Variants in SEC14L1 observed in about 807,000 individuals in gnomAD.
SEC14L1 encodes the protein SEC14-like protein 1.
Under a neutral mutation model 85.3 loss-of-function variants are expected in SEC14L1, and 48 were observed. That is an observed-to-expected ratio of 0.56 (90% CI 0.45 to 0.72). SEC14L1 has a LOEUF of 0.72. SEC14L1 is among the 30% of genes least tolerant of loss of function. The pLI is 0.00. For synonymous variants in SEC14L1, 391 were observed against 355.5 expected, an observed-to-expected ratio of 1.10 and a Z score of -1.12; for missense variants, 682 against 921.4, an observed-to-expected ratio of 0.74 and a Z score of 3.36.
At chr17:77,168,708 T>C (rs1297594858) in intron 3 of SEC14L1, among the ~76,000 whole-genome samples, 2 of 152,190 alleles carry the variant, frequency 1.3e-5, no homozygotes, top group African/African-American at 4.8e-5. Flanking sequence ...ACTTTGCCTT[T>C]TTTTGCTAAC....
chr17:77,201,771 C>T (rs1014736641), intron 9 of SEC14L1, among the ~76,000 whole-genome samples: 4 of 152,050 alleles, frequency 2.6e-5, no homozygotes, highest in Admixed American at 1.3e-4. Flanking sequence ...TCTTATTAAA[C>T]GTTGGGAGAA....
intron 3 of SEC14L1, among the ~76,000 whole-genome samples, chr17:77,188,179 C>T (rs1034049541): frequency 6.6e-6 from 1 of 152,196 alleles, no homozygotes; most frequent in Non-Finnish European, 1.5e-5. Context: ...CCAGTGATAA[C>T]GTCTTGCAGA....
At chr17:77,094,796 A>G (rs866761547) in intron 3 of SEC14L1, 1 of 152,206 alleles carries the variant, frequency 6.6e-6, no homozygotes, top group Non-Finnish European at 1.5e-5. Flanking sequence ...CCTTGTTTGC[A>G]CAATTTGGGC....
intron 3 of SEC14L1, among the ~76,000 whole-genome samples, chr17:77,102,152 C>T (rs1000701424): frequency 1.3e-5 from 2 of 152,214 alleles, no homozygotes; most frequent in African/African-American, 4.8e-5. Flanking sequence ...AACCAAAACG[C>T]GTTGAGCATC....
At chr17:77,106,845 T>A (rs781438629) in intron 3 of SEC14L1, among the ~76,000 whole-genome samples, 2 of 152,010 alleles carry the variant, frequency 1.3e-5, no homozygotes, top group African/African-American at 2.4e-5. Flanking sequence ...TCAAAAAAAA[T>A]AAAAAAGAAA....
chr17:77,098,448 A>G (rs1425845982), intron 3 of SEC14L1, among the ~76,000 whole-genome samples: 1 of 151,960 alleles, frequency 6.6e-6, no homozygotes, highest in East Asian at 1.9e-4. Flanking sequence ...GCAGTAAGCC[A>G]TCGTCGTGCC....
At chr17:77,198,063 A>C (rs777617053) in intron 8 of SEC14L1, among the ~76,000 whole-genome samples, 47 of 152,262 alleles carry the variant, frequency 3.1e-4, no homozygotes, top group Admixed American at 3.9e-4. Flanking sequence ...AGAAGTGTTA[A>C]ATATTCCTTA....
At chr17:77,141,260 C>T (rs1413281148) in intron 1 of SEC14L1, 153 bp downstream of exon 1, 1 of 144,446 alleles carries the variant, frequency 6.9e-6, no homozygotes. Context: ...CGGCCCGGCA[C>T]CCGAAACGGG....
chr17:77,148,896 G>A (rs1488757790), intron 3 of SEC14L1, among the ~76,000 whole-genome samples: 1 of 152,214 alleles, frequency 6.6e-6, no homozygotes, highest in African/African-American at 2.4e-5. Flanking sequence ...TGCCTGGTCC[G>A]TTTAACCTTA....
At chr17:77,198,201 ATCTTCAGC>A (rs1384014296) in intron 8 of SEC14L1, among the ~76,000 whole-genome samples, 1 of 152,246 alleles carries the variant, frequency 6.6e-6, no homozygotes, top group Admixed American at 6.5e-5. Flanking sequence ...TTGCTGCCTT[ATCTTCAGC>A]CTTTGCCTTT....
chr17:77,127,128 C>T (rs1446643835), intron 3 of SEC14L1, among the ~76,000 whole-genome samples: 11 of 151,710 alleles, frequency 7.3e-5, no homozygotes, highest in Non-Finnish European at 1.6e-4. Flanking sequence ...TAAGTTCCCT[C>T]CCCTCACCCC....
chr17:77,216,763 C>T lies in SEC14L1; in HGVS notation c.*2740C>T, dbSNP rs879778827. 8.8e-6 allele frequency: 8 copies of T among 910,090 alleles called. No homozygotes were observed. The highest frequency in any genetic ancestry group is 1.3e-5 in the Non-Finnish European group (8 of 609,518). The allele number at this position is 910,090 out of a possible 1,614,324, so 56.4% of individuals were successfully genotyped here. On this transcript the variant is annotated 3_prime_UTR_variant, in exon 17 of 17. Coordinates refer to ENST00000436233, the MANE Select transcript of SEC14L1 (RefSeq NM_001143998.2). The stretch of plus-strand genomic sequence containing the variant: ...CTCAAAGCACATGACCGCACAAATG[C>T]TTACAGGGTTTCCTCCCGAGTAATC...
intron 3 of SEC14L1, among the ~76,000 whole-genome samples, chr17:77,184,218 C>T (rs771176586): frequency 7.2e-5 from 11 of 152,190 alleles, no homozygotes; most frequent in Admixed American, 1.3e-4. Context: ...TCAGTTCAGT[C>T]ATTTGGTGAA....
At chr17:77,189,542 T>C (rs1975421758) in intron 3 of SEC14L1, among the ~76,000 whole-genome samples, 1 of 152,204 alleles carries the variant, frequency 6.6e-6, no homozygotes, top group South Asian at 2.1e-4. Flanking sequence ...TTTTATGTAT[T>C]CTAGGCACTA....
Position 77,195,822 on chromosome 17 carries a change from T to C in SEC14L1, c.710-380T>C, listed in dbSNP as rs1354949835. 2.6e-5 allele frequency among the ~76,000 whole-genome samples: 4 copies of C among 152,098 alleles called. 1 individual carries two copies. Among genetic ancestry groups the C allele is most frequent in the Admixed American group, 2.6e-4 (4 of 15,242 alleles). ...ACACAGTAGCTCCATTCAAAATAGA[T>C]TTAGATTTGCTTGGCTTTTTTTTTT... On this transcript the variant is annotated intron_variant, in intron 7 of 16. Transcript: ENST00000436233.
chr17:77,167,287 A>C (rs1472883273), intron 3 of SEC14L1, among the ~76,000 whole-genome samples: 1 of 151,962 alleles, frequency 6.6e-6, no homozygotes, highest in Non-Finnish European at 1.5e-5. Context: ...AGCACGCAGT[A>C]CTACACCCAG....
intron 3 of SEC14L1, among the ~76,000 whole-genome samples, chr17:77,166,404 T>C (rs1409677696): frequency 6.6e-6 from 1 of 152,224 alleles, no homozygotes; most frequent in African/African-American, 2.4e-5. Context: ...TGAAGCCAGA[T>C]CTGCCTCTTC....
In SEC14L1 at chr17:77,131,326, A is replaced by G. The variant is rs1972604622; in HGVS notation, c.-135-11320A>G. Among the ~76,000 whole-genome samples, 4 of 152,114 alleles carry G rather than the reference A, an allele frequency of 2.6e-5. No individual in the cohort carries two copies. The South Asian group carries it at 8.3e-4, about 32-fold the overall frequency. ...CTTTTGTTGCCCAGGCTGGAGTGCAATGGCGCGGTCTTGGCTCACTGCAAC... is the reference window on the plus strand; with the variant it reads ...CTTTTGTTGCCCAGGCTGGAGTGCAGTGGCGCGGTCTTGGCTCACTGCAAC... On this transcript the variant is annotated intron_variant, in intron 3 of 19. Transcript: ENST00000392476.
intron 7 of SEC14L1, among the ~76,000 whole-genome samples, chr17:77,195,647 C>T (rs1975773891): frequency 6.6e-6 from 1 of 152,102 alleles, no homozygotes; most frequent in Non-Finnish European, 1.5e-5. Flanking sequence ...ACCGCCACGC[C>T]TGACTAATTT....
Sources: gnomAD v4.1 joint callset for allele counts (sites outside exome capture counted in the v4.1 genomes callset) on GRCh38, gnomAD v4.1.1 for gene constraint, MANE v1.5 for transcripts, NCBI Gene and HGNC (gene_info 2026-07-23, HGNC 2026-07-21) for gene names.